The following PHLDB2 variants were observed in gnomAD, a reference collection of about 807,000 sequenced individuals.
The protein encoded by PHLDB2 is pleckstrin homology-like domain family B member 2.
A neutral mutation model predicts 123.6 loss-of-function variants in PHLDB2; 71 were observed. The observed-to-expected ratio is 0.57, with a 90% CI of 0.47 to 0.70. The LOEUF (loss-of-function observed/expected upper bound fraction) is 0.70, where lower values mean the gene tolerates loss of function less well. Among genes scored for constraint, PHLDB2 ranks in the 30% least tolerant of loss-of-function variants. The probability of loss-of-function intolerance (pLI) is 0.00; values close to 1 mark genes in which losing one functional copy is unlikely to be tolerated. For synonymous variants in PHLDB2, 547 were observed against 541.6 expected (o/e 1.01, Z -0.14); for missense variants, 1,446 against 1,519.5 (o/e 0.95, Z 0.80).
At chr3:111,920,475 T>C (rs2068432624) in intron 5 of PHLDB2, 56 bp downstream of exon 5, 6 of 1,575,386 alleles carry the variant, frequency 3.8e-6, no homozygotes, top group Non-Finnish European at 5.2e-6. Context: ...TGGTCCCAGT[T>C]GATTGAATTT....
At chr3:111,922,275 T>C (rs192724894) in intron 5 of PHLDB2, among the ~76,000 whole-genome samples, 111 of 152,338 alleles carry the variant, frequency 7.3e-4, no homozygotes, top group Non-Finnish European at 1.2e-3. Flanking sequence ...TGTGTATTTC[T>C]CATTAATATC....
chr3:111,821,198 C>T (rs1299724342), intron 1 of PHLDB2, among the ~76,000 whole-genome samples: 1 of 152,206 alleles, frequency 6.6e-6, no homozygotes, highest in Non-Finnish European at 1.5e-5. Flanking sequence ...TGTCCCACTG[C>T]CATGATAGAT....
At chr3:111,787,920 A>G (rs191900409) in intron 1 of PHLDB2, among the ~76,000 whole-genome samples, 12 of 152,330 alleles carry the variant, frequency 7.9e-5, no homozygotes, top group African/African-American at 2.9e-4. Context: ...CAAAATAAAC[A>G]TTAGAGAATA....
chr3:111,784,248 T>G (rs927658678), intron 1 of PHLDB2, among the ~76,000 whole-genome samples: 6 of 152,162 alleles, frequency 3.9e-5, no homozygotes, highest in African/African-American at 1.2e-4. Flanking sequence ...ATAGGTTGAC[T>G]TACAAAAATC....
chr3:111,968,833 G>A (rs1357869006), intron 15 of PHLDB2, among the ~76,000 whole-genome samples: 8 of 152,112 alleles, frequency 5.3e-5, no homozygotes, highest in Non-Finnish European at 1.0e-4. Flanking sequence ...AGTCATCCAT[G>A]CGTGTTTACT....
chr3:111,769,565 C>T (rs1451497424), intron 1 of PHLDB2, among the ~76,000 whole-genome samples: 2 of 152,156 alleles, frequency 1.3e-5, no homozygotes, highest in Non-Finnish European at 2.9e-5. Flanking sequence ...ATACAGCATA[C>T]GACTACAGTG....
At chr3:111,831,659 A>C (rs545454386) in intron 1 of PHLDB2, among the ~76,000 whole-genome samples, 2 of 152,334 alleles carry the variant, frequency 1.3e-5, no homozygotes, top group East Asian at 3.9e-4. Flanking sequence ...ATTTCACATG[A>C]GAAGAGGCAG....
chr3:111,906,799 A>G (rs1466049076), intron 2 of PHLDB2, among the ~76,000 whole-genome samples: 2 of 152,210 alleles, frequency 1.3e-5, no homozygotes, highest in African/African-American at 4.8e-5. Context: ...AGTTGCCTCC[A>G]GAGCAGACAC....
chr3:111,778,020 C>T lies in PHLDB2; in HGVS notation c.-49+45317C>T, dbSNP rs551212221. On this transcript the variant is annotated intron_variant, in intron 1 of 17. Coordinates refer to the PHLDB2 transcript ENST00000393923. ...GAGCTGACTATATTGTGGAGAGCTC[C>T]GGATTTACATTTCATCGCACAATCA... Among the ~76,000 whole-genome samples, 10 of 151,950 alleles carry T rather than the reference C, an allele frequency of 6.6e-5. No individual in the cohort carries two copies. The East Asian group carries it at 1.7e-3, about 27-fold the overall frequency.
chr3:111,772,658 T>C (rs549374059), intron 1 of PHLDB2, among the ~76,000 whole-genome samples: 10 of 152,330 alleles, frequency 6.6e-5, no homozygotes, highest in East Asian at 1.9e-4. Flanking sequence ...TGGGTTTGCA[T>C]TGGCATTTTT....
chr3:111,933,427 A>T (rs957934070), intron 6 of PHLDB2, among the ~76,000 whole-genome samples: 2 of 152,230 alleles, frequency 1.3e-5, no homozygotes, highest in African/African-American at 4.8e-5. Context: ...GCTACCTCTG[A>T]GAACGTCACT....
At position 111,785,825 on chromosome 3, in the gene PHLDB2, ATGG is replaced by A. The variant is rs559262126; in HGVS notation, c.-49+53130_-49+53132del. Among the ~76,000 whole-genome samples the A allele has an allele frequency of 4.2e-3, 641 of 152,252 alleles. 1 individual carries two copies. The highest frequency in any genetic ancestry group is 0.015 in the African/African-American group (617 of 41,556). ...GGATAGTCAGAGAAGGGCAACCAGAATGGTGGTGGTTCAGGAAACCATATCTTT... is the reference window on the plus strand; with the variant it reads ...GGATAGTCAGAGAAGGGCAACCAGAATGGTGGTTCAGGAAACCATATCTTT... On this transcript the variant is annotated intron_variant, in intron 1 of 17. Transcript: ENST00000393923.
intron 1 of PHLDB2, among the ~76,000 whole-genome samples, chr3:111,841,597 C>A (rs974397843): frequency 1.3e-5 from 2 of 152,126 alleles, no homozygotes; most frequent in South Asian, 2.1e-4. Flanking sequence ...TAAAGAGATG[C>A]GTTTTCTCTG....
At chr3:111,787,172 A>C (rs1257390887) in intron 1 of PHLDB2, among the ~76,000 whole-genome samples, 1 of 152,198 alleles carries the variant, frequency 6.6e-6, no homozygotes, top group Non-Finnish European at 1.5e-5. Flanking sequence ...AGTGTCAGAG[A>C]CTGACAGCCT....
At chr3:111,752,638 T>C (rs111463185) in intron 1 of PHLDB2, among the ~76,000 whole-genome samples, 1,469 of 137,744 alleles carry the variant, frequency 0.011, 17 homozygotes, top group African/African-American at 0.047. Context: ...TTTTTTATTA[T>C]TATTTTATTT....
intron 1 of PHLDB2, among the ~76,000 whole-genome samples, chr3:111,817,803 T>C (rs574106584): frequency 1.3e-5 from 2 of 152,258 alleles, no homozygotes; most frequent in South Asian, 4.2e-4. Context: ...GCTGACTGAG[T>C]TATAAGCATC....
At chr3:111,831,713 A>T (rs1054627049) in intron 1 of PHLDB2, among the ~76,000 whole-genome samples, 26 of 152,164 alleles carry the variant, frequency 1.7e-4, no homozygotes, top group African/African-American at 6.0e-4. Context: ...TAGATAATAT[A>T]GATTATAGTT....
rs1226175855 is a variant in PHLDB2 at position 111,898,176 on chromosome 3, GTGTGTT to G, written c.1335+12770_1335+12775del. Among the ~76,000 whole-genome samples, 703 of 119,120 alleles carry G rather than the reference GTGTGTT, an allele frequency of 5.9e-3. 7 individuals are homozygous for G. Among genetic ancestry groups the G allele is most frequent in the African/African-American group, 0.02 (645 of 32,664 alleles). The allele number at this position is 119,120 out of a possible 152,430, so 78.1% of individuals were successfully genotyped here. On this transcript the variant is annotated intron_variant, in intron 2 of 17. Transcript: ENST00000431670. ...TGGCAATTTCTTTGTGTGTGTGTGT[GTGTGTT>G]TGTGTGTGTGTGTGTGTGTGTGTGT...
chr3:111,902,751 G>A (rs1577043748), intron 2 of PHLDB2, among the ~76,000 whole-genome samples: 1 of 152,084 alleles, frequency 6.6e-6, no homozygotes, highest in Admixed American at 6.6e-5. Flanking sequence ...TAGTCCTCCT[G>A]CCTTGGCCTC....
Sources: gnomAD v4.1 joint callset for allele counts (sites outside exome capture counted in the v4.1 genomes callset) on GRCh38, gnomAD v4.1.1 for gene constraint, MANE v1.5 for transcripts, NCBI Gene and HGNC (gene_info 2026-07-23, HGNC 2026-07-21) for gene names.